TMOD2: variants seen among roughly 807,000 people sequenced by gnomAD.
TMOD2 encodes the protein tropomodulin 2.
TMOD2 carries 22 observed loss-of-function variants against 39.9 expected under a neutral mutation model. The observed-to-expected ratio is 0.55, with a 90% CI of 0.39 to 0.79. TMOD2 has a LOEUF of 0.79. Ranked by LOEUF, TMOD2 falls within the 30% of genes least tolerant of loss-of-function variation. The probability of loss-of-function intolerance (pLI) is 0.00; values close to 1 mark genes in which losing one functional copy is unlikely to be tolerated. For missense variants in TMOD2, 386 were observed against 413.3 expected, an observed-to-expected ratio of 0.93 and a Z score of 0.57; for synonymous variants, 123 against 146.1, an observed-to-expected ratio of 0.84 and a Z score of 1.14.
chr15:51,810,075 T>C lies in TMOD2; in HGVS notation c.*1621T>C, dbSNP rs936485480. On this transcript the variant is annotated 3_prime_UTR_variant, in exon 10 of 10. Transcript: ENST00000249700. ...TTCTAACACCTTTGGCCCCTGAAAA[T>C]CCTTTAATTAGTTTATGGCTTCATC... 2 of 152,078 alleles carry C rather than the reference T, an allele frequency of 1.3e-5. No homozygotes were observed. The highest frequency in any genetic ancestry group is 2.9e-5 in the Non-Finnish European group (2 of 68,012). 9.4% of individuals were successfully genotyped at this position (152,078 alleles called of 1,614,324 possible).
chr15:51,757,318 C>T (rs547657869), intron 1 of TMOD2, among the ~76,000 whole-genome samples: 9 of 144,660 alleles, frequency 6.2e-5, no homozygotes, highest in East Asian at 2.1e-4. Context: ...AGGAGAATGG[C>T]GTGAACCCGG....
At chr15:51,771,746 C>T (rs1430419584) in intron 3 of TMOD2, among the ~76,000 whole-genome samples, 1 of 152,140 alleles carries the variant, frequency 6.6e-6, no homozygotes, top group Non-Finnish European at 1.5e-5. Flanking sequence ...ATGTTTCAGG[C>T]CATAGACGCT....
chr15:51,752,165 C>T (rs1468924281), intron 1 of TMOD2, among the ~76,000 whole-genome samples: 1 of 152,098 alleles, frequency 6.6e-6, no homozygotes, highest in African/African-American at 2.4e-5. Flanking sequence ...GAGGGGTGGA[C>T]TGGCCGGCGT....
intron 4 of TMOD2, among the ~76,000 whole-genome samples, chr15:51,775,182 G>A (rs1226374332): frequency 1.3e-5 from 2 of 152,098 alleles, no homozygotes; most frequent in Non-Finnish European, 2.9e-5. Flanking sequence ...CAGATAGAGA[G>A]CAGACAGAAA....
At chr15:51,756,497 C>A (rs1356707580) in intron 1 of TMOD2, 1 of 152,224 alleles carries the variant, frequency 6.6e-6, no homozygotes, top group Non-Finnish European at 1.5e-5. Flanking sequence ...GCATGTTTTA[C>A]TGAGGAAGGA....
chr15:51,806,040 C>G (rs1186213837), intron 8 of TMOD2, among the ~76,000 whole-genome samples: 1 of 152,134 alleles, frequency 6.6e-6, no homozygotes, highest in Non-Finnish European at 1.5e-5. Context: ...TTGTTTAAAC[C>G]ACAGATACTG....
chr15:51,760,603 A>G (rs1023359191), intron 1 of TMOD2, among the ~76,000 whole-genome samples: 1 of 152,192 alleles, frequency 6.6e-6, no homozygotes, highest in Non-Finnish European at 1.5e-5. Flanking sequence ...TCAGGTGCTC[A>G]AGACCAGCCT....
At chr15:51,798,627 G>C (rs1365412730) in intron 8 of TMOD2, among the ~76,000 whole-genome samples, 1 of 152,210 alleles carries the variant, frequency 6.6e-6, no homozygotes, top group African/African-American at 2.4e-5. Flanking sequence ...TGGTGGCAGA[G>C]GTGTTGATAG....
chr15:51,766,640 A>G, intron 2 of TMOD2, 73 bp downstream of exon 2: 4 of 1,481,458 alleles, frequency 2.7e-6, no homozygotes, highest in Non-Finnish European at 3.7e-6. Context: ...TCCTTAAACA[A>G]TGGTAGAAAT....
chr15:51,766,399 C>T lies in TMOD2; in HGVS notation c.-43C>T, dbSNP rs1193535581. On this transcript the variant is annotated 5_prime_UTR_variant, in exon 2 of 10. Transcript: ENST00000249700. Reference sequence around the variant, plus strand: ...ATTCTGAAGTCTCAGGAAACTGGACCATTTAAATGTGCATGGCCCATGAGA... The same window carrying T: ...ATTCTGAAGTCTCAGGAAACTGGACTATTTAAATGTGCATGGCCCATGAGA... 1 of 1,568,452 alleles carries T rather than the reference C, an allele frequency of 6.4e-7. No individual in the cohort carries two copies. Among genetic ancestry groups the T allele is most frequent in the Non-Finnish European group, 8.6e-7 (1 of 1,157,902 alleles).
At chr15:51,768,551 A>G in intron 3 of TMOD2, 133 bp downstream of exon 3, 1 of 951,104 alleles carries the variant, frequency 1.1e-6, no homozygotes, top group Non-Finnish European at 1.6e-6. Flanking sequence ...ACTGTCCCAG[A>G]CATGGGAAAT....
intron 7 of TMOD2, among the ~76,000 whole-genome samples, chr15:51,786,835 T>A (rs1477838755): frequency 6.6e-6 from 1 of 152,228 alleles, no homozygotes. Flanking sequence ...CACTGTTTAT[T>A]GGAAATAAAA....
intron 1 of TMOD2, among the ~76,000 whole-genome samples, chr15:51,754,202 C>T (rs998878603): frequency 5.3e-5 from 8 of 152,150 alleles, no homozygotes; most frequent in African/African-American, 1.7e-4. Context: ...AGAACCATCC[C>T]GAAAGTGCTG....
chr15:51,790,569 A>C (rs1195743972), intron 7 of TMOD2, among the ~76,000 whole-genome samples: 1 of 151,838 alleles, frequency 6.6e-6, no homozygotes, highest in Non-Finnish European at 1.5e-5. Flanking sequence ...AGGATGTTTA[A>C]GCCAGTAATG....
chr15:51,811,765 T>G lies in TMOD2; in HGVS notation c.*3311T>G, dbSNP rs1044652949. On this transcript the variant is annotated 3_prime_UTR_variant, in exon 10 of 10. Transcript: ENST00000249700. ...TGCTCTCTCCCCAGTCCTCTTCCCT[T>G]GTCCTTTTTAGAATTGCTGCAGGCC... 1 of 152,180 alleles carries G rather than the reference T, an allele frequency of 6.6e-6. No homozygotes were observed. Among genetic ancestry groups the G allele is most frequent in the African/African-American group, 2.4e-5 (1 of 41,440 alleles). The allele number at this position is 152,180 out of a possible 1,614,324, so 9.4% of individuals were successfully genotyped here.
chr15:51,775,004 C>T (rs1021049094), intron 4 of TMOD2, among the ~76,000 whole-genome samples: 6 of 152,148 alleles, frequency 3.9e-5, no homozygotes, highest in Non-Finnish European at 8.8e-5. Context: ...TTCCCTCCCT[C>T]GTCCTGTGTT....
chr15:51,775,092 C>T (rs574370457), intron 4 of TMOD2, among the ~76,000 whole-genome samples: 10 of 152,326 alleles, frequency 6.6e-5, no homozygotes, highest in African/African-American at 2.4e-4. Context: ...AGATTGAAGG[C>T]AGCCCCATGG....
chr15:51,786,509 G>A (rs1010733600), intron 7 of TMOD2, among the ~76,000 whole-genome samples: 5 of 152,162 alleles, frequency 3.3e-5, no homozygotes, highest in Admixed American at 1.3e-4. Context: ...AGGCTGTTTG[G>A]CATTCAATCA....
intron 4 of TMOD2, among the ~76,000 whole-genome samples, chr15:51,775,204 G>A (rs1040801152): frequency 1.3e-5 from 2 of 152,208 alleles, no homozygotes; most frequent in African/African-American, 4.8e-5. Context: ...TTCTTCAAGG[G>A]AGTGGTAGTT....
Sources: allele counts gnomAD v4.1 joint callset (sites outside exome capture counted in the v4.1 genomes callset), GRCh38; gene constraint gnomAD v4.1.1; transcripts MANE v1.5; gene names NCBI Gene and HGNC (gene_info 2026-07-23, HGNC 2026-07-21).